Variants in PCDHGA3 observed in about 807,000 individuals in gnomAD.
PCDHGA3 encodes the protein protocadherin gamma subfamily A, 3.
Under a neutral mutation model 58.5 loss-of-function variants are expected in PCDHGA3, and 40 were observed. The ratio of observed to expected loss-of-function variants is 0.68; its 90% confidence interval spans 0.53 to 0.89. The LOEUF is 0.89. Among genes scored for constraint, PCDHGA3 ranks in the 40% least tolerant of loss-of-function variants. PCDHGA3 has a pLI of 0.00. For synonymous variants in PCDHGA3, 530 were observed against 525.7 expected, an observed-to-expected ratio of 1.01 and a Z score of -0.11; for missense variants, 1,223 against 1,195.9, an observed-to-expected ratio of 1.02 and a Z score of -0.33.
chr5:141,507,023 C>T (rs971356315), intron 3 of PCDHGA3: 16 of 152,348 alleles, frequency 1.1e-4, no homozygotes, highest in African/African-American at 2.4e-4. Flanking sequence ...AAGGCACTTG[C>T]CCCAGGGTCC....
Position 141,344,586 on chromosome 5 carries a change from G to C in PCDHGA3, c.553G>C (p.Val185Leu), listed in dbSNP as rs924190698. Reference protein sequence around the residue: ...NDYFSLAVNSVSEGAKYPELV... With the variant: ...NDYFSLAVNSLSEGAKYPELV... Reference sequence around the variant, plus strand: ...CTACTTCTCTCTGGCTGTGAATAGCGTCTCTGAGGGGGCCAAGTATCCAGA... The same window carrying C: ...CTACTTCTCTCTGGCTGTGAATAGCCTCTCTGAGGGGGCCAAGTATCCAGA... Residue 185 changes from valine to leucine, a missense_variant, in exon 1 of 4, where the codon GTC becomes CTC. By Grantham distance (32) the Val-to-Leu change is conservative (BLOSUM62 1). Coordinates refer to ENST00000253812, the MANE Select transcript of PCDHGA3 (RefSeq NM_018916.4). 6.2e-7 allele frequency: 1 copy of C among 1,613,990 alleles called. No individual in the cohort carries two copies.
chr5:141,400,384 G>A (rs1335444355), intron 1 of PCDHGA3: 2 of 1,614,054 alleles, frequency 1.2e-6, no homozygotes, highest in South Asian at 1.1e-5. Flanking sequence ...CCTATGTGTT[G>A]CACATACAGG....
intron 1 of PCDHGA3, among the ~76,000 whole-genome samples, chr5:141,472,402 G>A (rs569497172): frequency 8.5e-5 from 13 of 152,160 alleles, no homozygotes; most frequent in South Asian, 2.1e-4. Context: ...TTAGCCAGGC[G>A]TGGTGGCACG....
intron 1 of PCDHGA3, among the ~76,000 whole-genome samples, chr5:141,466,637 A>G (rs944728391): frequency 1.1e-4 from 16 of 152,234 alleles, no homozygotes; most frequent in Admixed American, 8.5e-4. Flanking sequence ...CATTGTCTCC[A>G]TAAACTTTTC....
intron 1 of PCDHGA3, chr5:141,375,303 A>T: frequency 3.1e-6 from 5 of 1,613,850 alleles, no homozygotes; most frequent in Non-Finnish European, 4.2e-6. Context: ...TTAGTGACAA[A>T]TGCAGCTCTA....
chr5:141,361,147 C>T, intron 1 of PCDHGA3: 2 of 1,613,956 alleles, frequency 1.2e-6, no homozygotes, highest in Non-Finnish European at 8.5e-7. Flanking sequence ...AGTTGAAATT[C>T]TTGATGACAA....
intron 1 of PCDHGA3, among the ~76,000 whole-genome samples, chr5:141,407,130 T>C (rs1218017139): frequency 1.3e-5 from 2 of 152,230 alleles, no homozygotes; most frequent in Non-Finnish European, 2.9e-5. Flanking sequence ...TTGCTTTATT[T>C]TTAAGAAAAA....
chr5:141,392,640 A>T, intron 1 of PCDHGA3: 1 of 651,284 alleles, frequency 1.5e-6, no homozygotes, highest in Non-Finnish European at 2.5e-6. Context: ...CTCACACCTC[A>T]CGAAGACCCG....
intron 1 of PCDHGA3, among the ~76,000 whole-genome samples, chr5:141,444,880 G>A (rs527554886): frequency 6.6e-6 from 1 of 152,150 alleles, no homozygotes; most frequent in Non-Finnish European, 1.5e-5. Context: ...AAGCTTGTAG[G>A]ATTTTTGAAT....
At chr5:141,379,433 T>G (rs1775597873) in intron 1 of PCDHGA3, 1 of 152,256 alleles carries the variant, frequency 6.6e-6, no homozygotes. Flanking sequence ...AGATGGGCTG[T>G]TATACATATG....
intron 1 of PCDHGA3, among the ~76,000 whole-genome samples, chr5:141,347,137 C>CTCTCTCTT (rs375338309): frequency 4.4e-5 from 5 of 113,834 alleles, no homozygotes; most frequent in South Asian, 3.1e-4. Flanking sequence ...CTCTGTTTCT[C>CTCTCTCTT]TCTTTCTTTC....
In PCDHGA3 at chr5:141,486,043, A is replaced by G. The variant is rs1193580610; in HGVS notation, c.2425-8764A>G. 6.2e-7 allele frequency: 1 copy of G among 1,614,050 alleles called. No homozygotes were observed. Among genetic ancestry groups the G allele is most frequent in the African/African-American group, 1.3e-5 (1 of 74,918 alleles). ...GTGGTCATACCCCTGATCGTGTAAG[A>G]AACCTCTTTAGCCTGCACCCCACTA... On this transcript the variant is annotated intron_variant, in intron 1 of 3. Transcript: ENST00000253812. This position sits in a 1 kb window ranked among gnomAD's most constrained non-coding sequence, Gnocchi z 5.0.
At chr5:141,374,607 A>C in intron 1 of PCDHGA3, 1 of 1,613,660 alleles carries the variant, frequency 6.2e-7, no homozygotes, top group Non-Finnish European at 8.5e-7. Context: ...CTCAGTGGTA[A>C]TAGTCACTTC....
At chr5:141,509,758 C>T (rs574741134) in intron 3 of PCDHGA3, among the ~76,000 whole-genome samples, 17 of 152,202 alleles carry the variant, frequency 1.1e-4, no homozygotes. Flanking sequence ...CTAAAGTGTC[C>T]CTGAGATGTC....
intron 1 of PCDHGA3, chr5:141,384,400 G>C: frequency 6.2e-7 from 1 of 1,613,936 alleles, no homozygotes; most frequent in South Asian, 1.1e-5. Flanking sequence ...GGGGGCTCCA[G>C]TGTCCTCCTA....
At chr5:141,389,984 C>A (rs1388496409) in intron 1 of PCDHGA3, 1 of 1,613,952 alleles carries the variant, frequency 6.2e-7, no homozygotes, top group East Asian at 2.2e-5. Flanking sequence ...TCTCAGTGCT[C>A]TTCCTCGTGG....
At chr5:141,454,931 C>T (rs2154564856) in intron 1 of PCDHGA3, among the ~76,000 whole-genome samples, 2 of 151,066 alleles carry the variant, frequency 1.3e-5, no homozygotes, top group South Asian at 4.2e-4. Context: ...CCTCAGCCTC[C>T]CGAGTAGCTG....
Position 141,346,382 on chromosome 5 carries a change from G to C in PCDHGA3, c.2349G>C (p.Glu783Asp). 5 of 1,614,268 alleles carry C rather than the reference G, an allele frequency of 3.1e-6. No individual in the cohort carries two copies. Among genetic ancestry groups the C allele is most frequent in the Non-Finnish European group, 4.2e-6 (5 of 1,180,052 alleles). ...PNYADTLISQESCEKSEPLLI... is the reference protein window; with the variant it reads ...PNYADTLISQDSCEKSEPLLI... ...ATGCGGACACGCTCATCAGCCAGGA[G>C]AGCTGTGAGAAAAGCGAGCCTCTTC... is the stretch of plus-strand genomic sequence containing the variant. Residue 783 changes from glutamate (E) to aspartate (D), a missense_variant, in exon 1 of 4, where the codon GAG becomes GAC. Glu to Asp is a conservative substitution (Grantham distance 45, BLOSUM62 2). Coordinates refer to ENST00000253812, the MANE Select transcript of PCDHGA3 (RefSeq NM_018916.4).
At chr5:141,410,736 A>G (rs553799279) in intron 1 of PCDHGA3, 1 of 1,334,690 alleles carries the variant, frequency 7.5e-7, no homozygotes, top group East Asian at 2.4e-5. Flanking sequence ...ATAGCTTTTT[A>G]CAATATTTTC....
Sources: gnomAD v4.1 joint callset for allele counts (sites outside exome capture counted in the v4.1 genomes callset) on GRCh38, gnomAD v4.1.1 for gene constraint, Gnocchi (gnomAD v3.1) non-coding constraint, MANE v1.5 for transcripts, NCBI Gene and HGNC (gene_info 2026-07-23, HGNC 2026-07-21) for gene names.